DIP2C: variants seen among roughly 807,000 people sequenced by gnomAD.
The protein encoded by DIP2C is disco-interacting protein 2 homolog C.
Under a neutral mutation model 192.4 loss-of-function variants are expected in DIP2C, and 33 were observed. The observed-to-expected ratio is 0.17, with a 90% CI of 0.13 to 0.23. The LOEUF is 0.23. Ranked by LOEUF, DIP2C falls within the 10% of genes least tolerant of loss-of-function variation. The pLI is 1.00. For missense variants in DIP2C, 1,537 were observed against 2,110.1 expected (o/e 0.73, Z 5.32); for synonymous variants, 979 against 864.1 (o/e 1.13, Z -2.33).
rs187513604 is a variant in DIP2C at position 615,959 on chromosome 10, G to A, written c.85+73535C>T. 1.2e-4 allele frequency among the ~76,000 whole-genome samples: 18 copies of A among 152,252 alleles called. No homozygotes were observed. In the East Asian group the frequency reaches 3.1e-3, roughly 26 times the overall value. ...ACAGATACAGCCCGCTCACATTAATGACCACATGAGAAGCTCAGACCATAG... is the reference window on the plus strand; with the variant it reads ...ACAGATACAGCCCGCTCACATTAATAACCACATGAGAAGCTCAGACCATAG... On this transcript the variant is annotated intron_variant, in intron 1 of 36. Transcript: ENST00000280886.
chr10:593,663 G>A (rs979290753), intron 1 of DIP2C, among the ~76,000 whole-genome samples: 6 of 152,102 alleles, frequency 3.9e-5, no homozygotes, highest in South Asian at 2.1e-4. Context: ...TGTCACGGGC[G>A]GGGTCCCCAG....
chr10:399,045 G>A (rs1023531336), intron 10 of DIP2C, 64 bp downstream of exon 10: 3 of 1,404,038 alleles, frequency 2.1e-6, no homozygotes, highest in African/African-American at 2.8e-5. Context: ...CACCCAGCCG[G>A]GATACAGCCA....
At chr10:324,089 C>T (rs1196464013) in intron 31 of DIP2C, among the ~76,000 whole-genome samples, 2 of 152,166 alleles carry the variant, frequency 1.3e-5, no homozygotes, top group South Asian at 4.1e-4. Context: ...TGCCCTCCCC[C>T]AGAACGCCTC....
intron 1 of DIP2C, among the ~76,000 whole-genome samples, chr10:581,639 A>G (rs1428208310): frequency 6.6e-6 from 1 of 152,188 alleles, no homozygotes; most frequent in East Asian, 1.9e-4. Context: ...CCATGGATGG[A>G]ACCCACCACC....
chr10:495,322 C>CTG (rs1844745211), intron 1 of DIP2C, among the ~76,000 whole-genome samples: 1 of 152,130 alleles, frequency 6.6e-6, no homozygotes, highest in African/African-American at 2.4e-5. Context: ...CAGTTAATAA[C>CTG]AATGTACCAT....
chr10:668,782 C>T (rs1365957824), intron 1 of DIP2C: 1 of 152,268 alleles, frequency 6.6e-6, no homozygotes, highest in Non-Finnish European at 1.5e-5. Context: ...AAACTGGTAA[C>T]ATGTCCTCAT....
intron 1 of DIP2C, among the ~76,000 whole-genome samples, chr10:620,815 G>A (rs534824945): frequency 1.3e-5 from 2 of 152,284 alleles, no homozygotes; most frequent in East Asian, 1.9e-4. Context: ...GGAGCAGAAC[G>A]CTTCAATTAT....
At position 652,110 on chromosome 10, in the gene DIP2C, T is replaced by C. The variant is rs763027936; in HGVS notation, c.85+37384A>G. ...TGGTACAAGAGTCAACTGTATGCAA[T>C]TGACACTGATTCCTACCAACGATAT... On this transcript the variant is annotated intron_variant, in intron 1 of 36. Transcript: ENST00000280886. The surrounding 1 kb of genome is among the most constrained non-coding windows in gnomAD (Gnocchi z 4.5). 2 of 160,096 alleles carry C rather than the reference T, an allele frequency of 1.2e-5. No homozygotes were observed. Among genetic ancestry groups the C allele is most frequent in the East Asian group, 3.8e-4 (2 of 5,218 alleles). The allele number at this position is 160,096 out of a possible 1,614,324, so 9.9% of individuals were successfully genotyped here. A position where few individuals can be genotyped will look rare whatever the true frequency, so the allele number is the denominator to read the frequency against.
intron 1 of DIP2C, among the ~76,000 whole-genome samples, chr10:607,988 C>G (rs896499697): frequency 5.3e-5 from 8 of 151,738 alleles, no homozygotes; most frequent in African/African-American, 1.9e-4. Context: ...CGTAATGAAA[C>G]CAAAATCGGA....
At chr10:578,205 T>C (rs1259623248) in intron 1 of DIP2C, among the ~76,000 whole-genome samples, 2 of 152,240 alleles carry the variant, frequency 1.3e-5, no homozygotes, top group Non-Finnish European at 2.9e-5. Flanking sequence ...CATATCATTT[T>C]CAACGTTAAC....
intron 31 of DIP2C, among the ~76,000 whole-genome samples, chr10:318,134 C>G (rs1956856149): frequency 6.6e-6 from 1 of 152,122 alleles, no homozygotes; most frequent in Non-Finnish European, 1.5e-5. Context: ...CACAGTGATG[C>G]TGGATGGCGA....
intron 1 of DIP2C, among the ~76,000 whole-genome samples, chr10:680,755 G>C (rs930679832): frequency 6.6e-6 from 1 of 152,264 alleles, no homozygotes; most frequent in Non-Finnish European, 1.5e-5. Flanking sequence ...TGTTTTGCCT[G>C]TGTGCTTCCT....
intron 29 of DIP2C, among the ~76,000 whole-genome samples, chr10:332,034 A>G (rs1957531085): frequency 6.6e-6 from 1 of 152,032 alleles, no homozygotes; most frequent in African/African-American, 2.4e-5. Flanking sequence ...TGATCCTCCC[A>G]CTTCCCAAGT....
chr10:280,524 T>TA (rs952095792), intron 36 of DIP2C, among the ~76,000 whole-genome samples: 96 of 152,332 alleles, frequency 6.3e-4, no homozygotes, highest in African/African-American at 2.3e-3. Context: ...CGACTTAACT[T>TA]ACGGCACTCC....
chr10:554,437 A>T (rs916604325), intron 1 of DIP2C, among the ~76,000 whole-genome samples: 4 of 152,230 alleles, frequency 2.6e-5, no homozygotes, highest in African/African-American at 9.6e-5. Flanking sequence ...TTGATAAGGT[A>T]TTAAATTACC....
intron 17 of DIP2C, among the ~76,000 whole-genome samples, chr10:373,057 C>T (rs1461574780): frequency 2.0e-5 from 3 of 152,318 alleles, no homozygotes; most frequent in Admixed American, 6.5e-5. Context: ...TGAGAAGATT[C>T]GGGCACAGAA....
chr10:621,768 C>T (rs1042638100), intron 1 of DIP2C, among the ~76,000 whole-genome samples: 3 of 152,178 alleles, frequency 2.0e-5, no homozygotes, highest in Non-Finnish European at 1.5e-5. Context: ...GAGCTCATGC[C>T]AAGGTGCTGA....
At chr10:388,131 A>G (rs549493523) in intron 13 of DIP2C, among the ~76,000 whole-genome samples, 2 of 152,014 alleles carry the variant, frequency 1.3e-5, no homozygotes, top group African/African-American at 4.8e-5. Context: ...TCACTTCCTC[A>G]TGAGTCTCCC....
At chr10:344,368 C>A (rs920956085) in intron 28 of DIP2C, among the ~76,000 whole-genome samples, 2 of 114,376 alleles carry the variant, frequency 1.7e-5, no homozygotes, top group African/African-American at 7.1e-5. Flanking sequence ...CACAAGGCTG[C>A]GAAGTCCCCA....
Sources: allele counts gnomAD v4.1 joint callset (sites outside exome capture counted in the v4.1 genomes callset), GRCh38; gene constraint gnomAD v4.1.1; non-coding constraint Gnocchi (gnomAD v3.1); transcripts MANE v1.5; gene names NCBI Gene and HGNC (gene_info 2026-07-23, HGNC 2026-07-21).